NIM1K: variants seen among roughly 807,000 people sequenced by gnomAD.
The protein encoded by NIM1K is NIM1 serine/threonine protein kinase.
In NIM1K, 35 loss-of-function variants were observed where a neutral mutation model predicts 37.1. The ratio of observed to expected loss-of-function variants is 0.94; its 90% CI spans 0.72 to 1.25. NIM1K has a LOEUF of 1.25. Among genes scored for constraint, NIM1K ranks in the 50% most tolerant of loss-of-function variants. The pLI is 0.00. For missense variants in NIM1K, 564 were observed against 548.0 expected (o/e 1.03, Z -0.29); for synonymous variants, 234 against 206.6 (o/e 1.13, Z -1.14).
intron 1 of NIM1K, among the ~76,000 whole-genome samples, chr5:43,203,019 T>C (rs1466650947): frequency 6.6e-6 from 1 of 152,132 alleles, no homozygotes; most frequent in African/African-American, 2.4e-5. Context: ...CTCCAGCCTT[T>C]CGATGACTGT....
At chr5:43,259,378 A>G (rs1752994688) in intron 2 of NIM1K, among the ~76,000 whole-genome samples, 1 of 152,226 alleles carries the variant, frequency 6.6e-6, no homozygotes, top group African/African-American at 2.4e-5. Flanking sequence ...TAGAGGCTGT[A>G]CTAATTTACA....
chr5:43,226,525 CCG>C (rs1752459588), intron 1 of NIM1K, among the ~76,000 whole-genome samples: 1 of 152,170 alleles, frequency 6.6e-6, no homozygotes, highest in Non-Finnish European at 1.5e-5. Flanking sequence ...ATGGGGAAAA[CCG>C]TGAGAGGAAC....
rs1561088044 is a variant in NIM1K, at chr5:43,253,213, T to TA, written c.292+7146_292+7147insA. On this transcript the variant is annotated intron_variant, in intron 2 of 3. Coordinates refer to ENST00000326035, the MANE Select transcript of NIM1K (RefSeq NM_153361.4). The stretch of plus-strand genomic sequence containing the variant: ...ATAATATAATATATAATATAATATA[T>TA]GTGTGTGTGTGTGTGTGTGTGTGTG... Among the ~76,000 whole-genome samples the TA allele has an allele frequency of 5.9e-3, 354 of 60,318 alleles. 3 individuals carry two copies. Among genetic ancestry groups the TA allele is most frequent in the Middle Eastern group, 0.012 (1 of 86 alleles). 39.6% of individuals were successfully genotyped at this position (60,318 alleles called of 152,430 possible).
intron 1 of NIM1K, among the ~76,000 whole-genome samples, chr5:43,242,424 T>G (rs552990220): frequency 6.7e-6 from 1 of 149,642 alleles, no homozygotes; most frequent in Non-Finnish European, 1.5e-5. Flanking sequence ...CTGGTGCCTG[T>G]GGGGAGCTGA....
intron 1 of NIM1K, among the ~76,000 whole-genome samples, chr5:43,204,893 G>T (rs1476007246): frequency 6.6e-6 from 1 of 152,164 alleles, no homozygotes; most frequent in Non-Finnish European, 1.5e-5. Flanking sequence ...CTACTTGGGA[G>T]ACTGAGGTGG....
chr5:43,276,209 T>C (rs564655918), intron 2 of NIM1K, among the ~76,000 whole-genome samples: 67 of 152,188 alleles, frequency 4.4e-4, no homozygotes, highest in Non-Finnish European at 7.6e-4. Flanking sequence ...GAGTAATTTA[T>C]AAGAAAAAAA....
At chr5:43,269,267 G>A (rs999392195) in intron 2 of NIM1K, among the ~76,000 whole-genome samples, 9 of 120,476 alleles carry the variant, frequency 7.5e-5, no homozygotes, top group East Asian at 2.9e-4. Flanking sequence ...CCAAGATTGC[G>A]CCTTGCTCTC....
chr5:43,210,057 A>C (rs887222878), intron 1 of NIM1K, among the ~76,000 whole-genome samples: 1 of 152,230 alleles, frequency 6.6e-6, no homozygotes, highest in African/African-American at 2.4e-5. Context: ...GAGGACAAGT[A>C]TGTACACAGT....
At chr5:43,221,474 G>C (rs1212834007) in intron 1 of NIM1K, among the ~76,000 whole-genome samples, 1 of 148,252 alleles carries the variant, frequency 6.7e-6, no homozygotes, top group Admixed American at 6.8e-5. Context: ...AAAAAGAAAA[G>C]GAAAAAGATA....
At chr5:43,218,899 C>A (rs984760337) in intron 1 of NIM1K, among the ~76,000 whole-genome samples, 3 of 151,972 alleles carry the variant, frequency 2.0e-5, no homozygotes, top group African/African-American at 7.3e-5. Flanking sequence ...TGTACCCACC[C>A]AAATCTCATC....
At chr5:43,241,831 T>C (rs781091851) in intron 1 of NIM1K, among the ~76,000 whole-genome samples, 1 of 152,016 alleles carries the variant, frequency 6.6e-6, no homozygotes, top group Non-Finnish European at 1.5e-5. Flanking sequence ...TTTTCTTTAA[T>C]GGCTTTCGCT....
Position 43,228,530 on chromosome 5 carries a change from A to T in NIM1K, c.-694-16552A>T, listed in dbSNP as rs555119252. Among the ~76,000 whole-genome samples the T allele has an allele frequency of 3.9e-5, 6 of 152,234 alleles. No homozygotes were observed. In the South Asian group the frequency reaches 1.2e-3, roughly 32 times the overall value. ...TGTACAAATATAAAACTCCAGTTTA[A>T]ATTTATTTTCCCAACCAGGTGCTGT... On this transcript the variant is annotated intron_variant, in intron 1 of 3. Transcript: ENST00000326035.
At chr5:43,261,799 A>G (rs1367394625) in intron 2 of NIM1K, among the ~76,000 whole-genome samples, 1 of 152,200 alleles carries the variant, frequency 6.6e-6, no homozygotes, top group African/African-American at 2.4e-5. Flanking sequence ...AGGTGTAAGG[A>G]AGGGATCCAG....
intron 2 of NIM1K, among the ~76,000 whole-genome samples, chr5:43,271,350 T>C (rs1482938824): frequency 1.3e-5 from 2 of 152,020 alleles, no homozygotes; most frequent in Non-Finnish European, 2.9e-5. Context: ...CCCCAGAGAA[T>C]GCCCAAGATG....
intron 2 of NIM1K, among the ~76,000 whole-genome samples, chr5:43,270,058 TCCTTCATCATTTG>T (rs1753232295): frequency 6.6e-6 from 1 of 152,232 alleles, no homozygotes; most frequent in African/African-American, 2.4e-5. Flanking sequence ...AGTTACAAAT[TCCTTCATCATTTG>T]CTTGTCTGGA....
chr5:43,233,043 T>C, intron 1 of NIM1K: 1 of 1,289,554 alleles, frequency 7.8e-7, no homozygotes, highest in Non-Finnish European at 1.1e-6. Flanking sequence ...AGTCATCTCC[T>C]CCCCGAGTGG....
intron 1 of NIM1K, among the ~76,000 whole-genome samples, chr5:43,213,189 C>CT (rs1202018507): frequency 1.7e-5 from 1 of 59,200 alleles, no homozygotes; most frequent in African/African-American, 5.6e-5. Flanking sequence ...TTCTTTCTTT[C>CT]TTTCTTTCTT....
At chr5:43,207,647 C>A in intron 1 of NIM1K, 2 of 598,868 alleles carry the variant, frequency 3.3e-6, no homozygotes, top group Non-Finnish European at 6.5e-6. Flanking sequence ...CTGTGTCAAT[C>A]TGACGGAAGC....
intron 1 of NIM1K, among the ~76,000 whole-genome samples, chr5:43,240,817 G>T (rs140621281): frequency 6.6e-6 from 1 of 151,862 alleles, no homozygotes; most frequent in Non-Finnish European, 1.5e-5. Flanking sequence ...TATTACAGCC[G>T]TGAGCCACCA....
Sources: gnomAD v4.1 joint callset for allele counts (sites outside exome capture counted in the v4.1 genomes callset) on GRCh38, gnomAD v4.1.1 for gene constraint, MANE v1.5 for transcripts, NCBI Gene and HGNC (gene_info 2026-07-23, HGNC 2026-07-21) for gene names.